The following LTBP1 variants were observed in gnomAD, a reference collection of about 807,000 sequenced individuals.
The protein encoded by LTBP1 is latent-transforming growth factor beta-binding protein 1.
A neutral mutation model predicts 207.6 loss-of-function variants in LTBP1; 129 were observed. The ratio of observed to expected loss-of-function variants is 0.62; its 90% CI spans 0.54 to 0.72. The LOEUF is 0.72. Among genes scored for constraint, LTBP1 ranks in the 30% least tolerant of loss-of-function variants. The pLI is 0.00. For missense variants in LTBP1, 2,281 were observed against 2,217.2 expected (o/e 1.03, Z -0.58); for synonymous variants, 963 against 833.7 (o/e 1.16, Z -2.67).
At chr2:33,131,645 C>A (rs1289760003) in intron 4 of LTBP1, among the ~76,000 whole-genome samples, 1 of 152,176 alleles carries the variant, frequency 6.6e-6, no homozygotes, top group Non-Finnish European at 1.5e-5. Flanking sequence ...GGAGGACCCG[C>A]TTAGAATACA....
chr2:33,212,548 G>A lies in LTBP1; in HGVS notation c.1702-5004G>A, dbSNP rs181380493. ...CAGAACCTTAGACCTTGCAGAAATC[G>A]TAAAGGTCATCTGCTTCATATCCTG... is the stretch of plus-strand genomic sequence containing the variant. On this transcript the variant is annotated intron_variant, in intron 7 of 33. Coordinates refer to ENST00000404816, the MANE Select transcript of LTBP1 (RefSeq NM_206943.4). 5.3e-5 allele frequency among the ~76,000 whole-genome samples: 8 copies of A among 152,288 alleles called. No homozygotes were observed. The East Asian group carries it at 7.7e-4, about 15-fold the overall frequency.
intron 24 of LTBP1, among the ~76,000 whole-genome samples, chr2:33,334,029 G>A (rs1056282648): frequency 9.9e-5 from 15 of 152,180 alleles, no homozygotes; most frequent in African/African-American, 2.9e-4. Context: ...GTGGTCAACC[G>A]CATTGAATAC....
intron 18 of LTBP1, among the ~76,000 whole-genome samples, chr2:33,278,302 A>G (rs1398617836): frequency 6.6e-6 from 1 of 152,214 alleles, no homozygotes; most frequent in Non-Finnish European, 1.5e-5. Context: ...TGGGAGAAAG[A>G]TGACTAGCGT....
rs115396484 is a variant in LTBP1, at chr2:33,131,864, T to G, written c.1034-2929T>G. 3.9e-5 allele frequency among the ~76,000 whole-genome samples: 6 copies of G among 152,096 alleles called. 1 individual carries two copies. In the South Asian group the frequency reaches 8.3e-4, roughly 21 times the overall value. On this transcript the variant is annotated intron_variant, in intron 4 of 33. Coordinates refer to ENST00000404816, the MANE Select transcript of LTBP1 (RefSeq NM_206943.4). ...GAAATTTTTTTTTGGCAAAGAAATA[T>G]AAGAAGTTTTTAATAACAATAGGCC...
At chr2:33,228,749 G>A (rs974041204) in intron 9 of LTBP1, among the ~76,000 whole-genome samples, 4 of 123,524 alleles carry the variant, frequency 3.2e-5, no homozygotes, top group South Asian at 2.5e-4. Context: ...CGCCAGGCTG[G>A]AGTGCAGTGG....
chr2:33,079,886 T>G (rs1409669917), intron 3 of LTBP1, among the ~76,000 whole-genome samples: 1 of 152,246 alleles, frequency 6.6e-6, no homozygotes, highest in Non-Finnish European at 1.5e-5. Flanking sequence ...TCCATATGCT[T>G]CTTTACTCCT....
chr2:33,281,035 C>T (rs767476180), intron 19 of LTBP1, among the ~76,000 whole-genome samples: 1 of 152,178 alleles, frequency 6.6e-6, no homozygotes, highest in Non-Finnish European at 1.5e-5. Context: ...TGTGCCACTG[C>T]TCTCCAGCCC....
intron 31 of LTBP1, among the ~76,000 whole-genome samples, chr2:33,387,736 G>GTT (rs5830256): frequency 0.16 from 24,111 of 147,728 alleles, 1,991 homozygotes; most frequent in African/African-American, 0.18. Flanking sequence ...CCTTGGTGGG[G>GTT]TTTTTTTTTT....
chr2:33,112,573 C>T (rs218227), intron 4 of LTBP1, among the ~76,000 whole-genome samples: 3,493 of 152,248 alleles, frequency 0.023, 58 homozygotes, highest in South Asian at 0.037. Context: ...GAAAGAGTTA[C>T]GCATGTAGGA....
At chr2:33,223,102 G>A (rs1028873166) in intron 9 of LTBP1, among the ~76,000 whole-genome samples, 6 of 152,278 alleles carry the variant, frequency 3.9e-5, no homozygotes, top group East Asian at 1.9e-4. Context: ...GTAGATTAAG[G>A]TCATGTTACA....
At chr2:32,949,857 G>T (rs1676836387) in intron 2 of LTBP1, among the ~76,000 whole-genome samples, 1 of 152,176 alleles carries the variant, frequency 6.6e-6, no homozygotes. Flanking sequence ...TGTTGAAAAT[G>T]TCTTCAATCC....
chr2:33,345,752 T>A (rs2094693357), intron 25 of LTBP1, among the ~76,000 whole-genome samples: 1 of 152,240 alleles, frequency 6.6e-6, no homozygotes, highest in Admixed American at 6.5e-5. Context: ...AGGACGATTT[T>A]TTTTTTTCTG....
chr2:33,395,232 T>G (rs951915123), intron 32 of LTBP1, among the ~76,000 whole-genome samples: 1 of 152,194 alleles, frequency 6.6e-6, no homozygotes, highest in African/African-American at 2.4e-5. Flanking sequence ...CAAAATCAAG[T>G]GACTTGGCCA....
At chr2:33,294,540 T>C (rs1362995128) in intron 20 of LTBP1, among the ~76,000 whole-genome samples, 3 of 151,788 alleles carry the variant, frequency 2.0e-5, no homozygotes, top group Admixed American at 6.6e-5. Context: ...TTTAGAATTA[T>C]TTCCTTATTC....
intron 9 of LTBP1, among the ~76,000 whole-genome samples, chr2:33,242,362 C>T (rs1395916753): frequency 2.0e-5 from 3 of 152,150 alleles, no homozygotes; most frequent in Non-Finnish European, 4.4e-5. Context: ...TCTTTCAAAT[C>T]GCTTTGATTT....
chr2:33,366,807 G>A (rs982341734), intron 31 of LTBP1, among the ~76,000 whole-genome samples: 4 of 152,200 alleles, frequency 2.6e-5, no homozygotes, highest in African/African-American at 9.6e-5. Flanking sequence ...ATGCCACGGG[G>A]AGATAAAAGT....
At chr2:33,181,835 A>G (rs1472423066) in intron 5 of LTBP1, among the ~76,000 whole-genome samples, 1 of 152,238 alleles carries the variant, frequency 6.6e-6, no homozygotes, top group Admixed American at 6.5e-5. Flanking sequence ...CTTGGGAAGC[A>G]CAGATGATAC....
intron 5 of LTBP1, among the ~76,000 whole-genome samples, chr2:33,140,126 G>A (rs1295383984): frequency 6.6e-6 from 1 of 152,134 alleles, no homozygotes; most frequent in Non-Finnish European, 1.5e-5. Context: ...ACTGAAAATC[G>A]CCTTGGAGAT....
intron 5 of LTBP1, among the ~76,000 whole-genome samples, chr2:33,178,196 C>T (rs1053862848): frequency 5.9e-5 from 9 of 152,230 alleles, no homozygotes; most frequent in Middle Eastern, 3.4e-3. Flanking sequence ...AATGTTGCTG[C>T]GTTTTTCCTA....
Sources: allele counts gnomAD v4.1 joint callset (sites outside exome capture counted in the v4.1 genomes callset), GRCh38; gene constraint gnomAD v4.1.1; transcripts MANE v1.5; gene names NCBI Gene and HGNC (gene_info 2026-07-23, HGNC 2026-07-21).